Variants in RNF220 observed in about 807,000 individuals in gnomAD.
RNF220 encodes E3 ubiquitin-protein ligase RNF220.
A neutral mutation model predicts 67.1 loss-of-function variants in RNF220; 7 were observed. The ratio of observed to expected loss-of-function variants is 0.10; its 90% CI spans 0.06 to 0.20. The LOEUF (loss-of-function observed/expected upper bound fraction) is 0.20. RNF220 is among the 10% of genes least tolerant of loss of function. The probability of loss-of-function intolerance (pLI) is 1.00; values close to 1 mark genes in which losing one functional copy is unlikely to be tolerated. For synonymous variants in RNF220, 270 were observed against 283.2 expected (o/e 0.95, Z 0.47); for missense variants, 565 against 740.3 (o/e 0.76, Z 2.75).
chr1:44,582,479 G>A (rs1336728210), intron 2 of RNF220, among the ~76,000 whole-genome samples: 8 of 152,322 alleles, frequency 5.3e-5, no homozygotes, highest in South Asian at 2.1e-4. Flanking sequence ...GAGTGGTGCC[G>A]GGCGCGGTGG....
chr1:44,571,779 A>G (rs1412250007), intron 2 of RNF220, among the ~76,000 whole-genome samples: 1 of 152,214 alleles, frequency 6.6e-6, no homozygotes, highest in African/African-American at 2.4e-5. Context: ...TCTAACACAC[A>G]TATGTCCAAA....
chr1:44,614,676 A>G (rs1187620789), intron 3 of RNF220, among the ~76,000 whole-genome samples: 1 of 152,082 alleles, frequency 6.6e-6, no homozygotes. Context: ...TCCTTCCTCC[A>G]GTGGGGTGGA....
rs537976078 is a variant in RNF220, at chr1:44,492,533, A to AAT, written c.625+79812_625+79813dup. ...CAACCCAAATAGCCATCAGCTGATG[A>AAT]ATGGATAAACACAAATGTGATTTGT... On this transcript the variant is annotated intron_variant, in intron 2 of 14. Transcript: ENST00000361799. Among the ~76,000 whole-genome samples the AAT allele has an allele frequency of 9.2e-5, 14 of 152,360 alleles. 1 individual carries two copies. The highest frequency in any genetic ancestry group is 3.4e-4 in the African/African-American group (14 of 41,584).
At chr1:44,488,966 A>C (rs1024767110) in intron 2 of RNF220, among the ~76,000 whole-genome samples, 5 of 152,086 alleles carry the variant, frequency 3.3e-5, no homozygotes, top group African/African-American at 1.2e-4. Flanking sequence ...CCTGGCCTCA[A>C]GTGATCTGCC....
intron 2 of RNF220, among the ~76,000 whole-genome samples, chr1:44,546,900 C>G (rs527610022): frequency 9.2e-5 from 14 of 152,354 alleles, no homozygotes; most frequent in African/African-American, 3.4e-4. Flanking sequence ...GCGGTCCTCT[C>G]TCACCTGCCC....
chr1:44,611,595 G>A (rs1175212832), intron 2 of RNF220, among the ~76,000 whole-genome samples: 2 of 151,988 alleles, frequency 1.3e-5, no homozygotes, highest in South Asian at 2.1e-4. Context: ...CTCACTCCTC[G>A]TGCCTCCCAC....
At chr1:44,549,558 T>A (rs1197862029) in intron 2 of RNF220, among the ~76,000 whole-genome samples, 2 of 152,210 alleles carry the variant, frequency 1.3e-5, no homozygotes, top group Non-Finnish European at 2.9e-5. Context: ...TCCCTCTCTC[T>A]CTTCCCTCCT....
At chr1:44,644,105 A>G (rs1448722356) in intron 8 of RNF220, 2 of 155,160 alleles carry the variant, frequency 1.3e-5, no homozygotes, top group Non-Finnish European at 2.9e-5. Flanking sequence ...CTTGTCCAGG[A>G]ATCTGGGCTG....
At chr1:44,619,887 C>G (rs1643721763) in intron 3 of RNF220, among the ~76,000 whole-genome samples, 1 of 152,116 alleles carries the variant, frequency 6.6e-6, no homozygotes, top group African/African-American at 2.4e-5. Context: ...GTCCCTTGCT[C>G]AGAGAGAGGC....
intron 3 of RNF220, among the ~76,000 whole-genome samples, chr1:44,617,567 G>T (rs1643612857): frequency 6.6e-6 from 1 of 152,260 alleles, no homozygotes; most frequent in Non-Finnish European, 1.5e-5. Context: ...GGAGCGCGGG[G>T]AGGGCCCCAG....
chr1:44,511,916 C>CATGTGT, intron 2 of RNF220, among the ~76,000 whole-genome samples: 1 of 147,706 alleles, frequency 6.8e-6, no homozygotes, highest in South Asian at 2.1e-4. Context: ...CGTGTGTGTG[C>CATGTGT]GTGTGTGTGT....
intron 2 of RNF220, among the ~76,000 whole-genome samples, chr1:44,563,087 C>A (rs1405405809): frequency 6.6e-6 from 1 of 152,188 alleles, no homozygotes; most frequent in Non-Finnish European, 1.5e-5. Context: ...GAGGGGGATG[C>A]ACTTATGAGG....
chr1:44,567,360 A>G (rs918657737), intron 2 of RNF220, among the ~76,000 whole-genome samples: 4 of 152,132 alleles, frequency 2.6e-5, no homozygotes, highest in African/African-American at 9.7e-5. Flanking sequence ...CCAGCTGTGT[A>G]TGATCCTGGG....
At position 44,650,693 on chromosome 1, in the gene RNF220, T is replaced by C; in HGVS notation, c.1630-11T>C. ...TTGTGTAGACCAGAGCCCTCCCTGT[T>C]CTCCCTGCAGGGTGCCAAGAAGCTC... On this transcript the variant is annotated splice_polypyrimidine_tract_variant and intron_variant, in intron 14 of 14. Transcript: ENST00000361799. This position sits in a 1 kb window ranked among gnomAD's most constrained non-coding sequence, Gnocchi z 4.3. The C allele has an allele frequency of 6.2e-7, 1 of 1,613,442 alleles. No individual in the cohort carries two copies. Among genetic ancestry groups the C allele is most frequent in the Non-Finnish European group, 8.5e-7 (1 of 1,179,752 alleles).
At chr1:44,503,184 A>C (rs1253993647) in intron 2 of RNF220, among the ~76,000 whole-genome samples, 2 of 152,044 alleles carry the variant, frequency 1.3e-5, no homozygotes, top group Non-Finnish European at 2.9e-5. Context: ...AAATACAAAA[A>C]TTAGCTGGGT....
At chr1:44,629,392 T>C (rs1284404170) in intron 5 of RNF220, among the ~76,000 whole-genome samples, 1 of 152,264 alleles carries the variant, frequency 6.6e-6, no homozygotes, top group East Asian at 1.9e-4. Context: ...TTGGAGTTTC[T>C]CCAAGGCAAG....
At chr1:44,452,502 C>T (rs1298921371) in intron 2 of RNF220, among the ~76,000 whole-genome samples, 1 of 152,068 alleles carries the variant, frequency 6.6e-6, no homozygotes, top group East Asian at 1.9e-4. Context: ...TGCAGTCAGC[C>T]GAGATCGCGC....
In RNF220 at chr1:44,624,101, G is replaced by A. The variant is rs1643879160; in HGVS notation, c.804+1314G>A. Among the ~76,000 whole-genome samples, 1 of 152,270 alleles carries A rather than the reference G, an allele frequency of 6.6e-6. No individual in the cohort carries two copies. Among genetic ancestry groups the A allele is most frequent in the Non-Finnish European group, 1.5e-5 (1 of 68,038 alleles). On this transcript the variant is annotated intron_variant, in intron 4 of 14. Coordinates refer to ENST00000361799, the MANE Select transcript of RNF220 (RefSeq NM_018150.4). This position sits in a 1 kb window ranked among gnomAD's most constrained non-coding sequence, Gnocchi z 4.2. Reference sequence around the variant, plus strand: ...GAGGAGGAGCAGAGCACCTAGCCCTGCCTTGGGTGGGTATAGGCCTTGGCC... The same window carrying A: ...GAGGAGGAGCAGAGCACCTAGCCCTACCTTGGGTGGGTATAGGCCTTGGCC...
At chr1:44,415,541 ATATT>A (rs1181419921) in intron 2 of RNF220, among the ~76,000 whole-genome samples, 3 of 152,216 alleles carry the variant, frequency 2.0e-5, no homozygotes, top group Non-Finnish European at 2.9e-5. Flanking sequence ...ATATGTATAT[ATATT>A]TATTCTTAAA....
Sources: gnomAD v4.1 joint callset for allele counts (sites outside exome capture counted in the v4.1 genomes callset) on GRCh38, gnomAD v4.1.1 for gene constraint, Gnocchi (gnomAD v3.1) non-coding constraint, MANE v1.5 for transcripts, NCBI Gene and HGNC (gene_info 2026-07-23, HGNC 2026-07-21) for gene names.